CARF: variants seen among roughly 807,000 people sequenced by gnomAD.
The protein encoded by CARF is calcium responsive transcription factor, also known as calcium-responsive transcription factor.
Under a neutral mutation model 82.0 loss-of-function variants are expected in CARF, and 57 were observed. The observed-to-expected ratio is 0.70, with a 90% CI of 0.56 to 0.87. The LOEUF (loss-of-function observed/expected upper bound fraction) is 0.87, where lower values mean the gene tolerates loss of function less well. Among genes scored for constraint, CARF ranks in the 40% least tolerant of loss-of-function variants. CARF has a pLI of 0.00. For missense variants in CARF, 771 were observed against 855.8 expected (o/e 0.90, Z 1.24); for synonymous variants, 268 against 290.1 (o/e 0.92, Z 0.77).
At chr2:202,956,926 C>A (rs2059073803) in intron 8 of CARF, among the ~76,000 whole-genome samples, 1 of 152,078 alleles carries the variant, frequency 6.6e-6, no homozygotes, top group Admixed American at 6.6e-5. Context: ...GTAGCTGAGA[C>A]TACTTGCGCG....
chr2:202,958,177 A>G (rs975406956), intron 8 of CARF, among the ~76,000 whole-genome samples: 3 of 151,738 alleles, frequency 2.0e-5, no homozygotes, highest in Non-Finnish European at 1.5e-5. Context: ...ACCTTGTGCT[A>G]TATATATTAC....
At chr2:202,932,865 T>C (rs1250852500) in intron 3 of CARF, among the ~76,000 whole-genome samples, 4 of 151,952 alleles carry the variant, frequency 2.6e-5, no homozygotes, top group African/African-American at 4.8e-5. Flanking sequence ...GCTCAACCAC[T>C]GCTGTGTTTC....
intron 3 of CARF, among the ~76,000 whole-genome samples, chr2:202,939,602 A>G (rs970092717): frequency 6.6e-6 from 1 of 151,510 alleles, no homozygotes; most frequent in African/African-American, 2.4e-5. Context: ...TACAGTCTAG[A>G]TAATTTAAAA....
At chr2:202,958,529 A>T (rs13385461) in intron 8 of CARF, among the ~76,000 whole-genome samples, 1 of 152,124 alleles carries the variant, frequency 6.6e-6, no homozygotes, top group Non-Finnish European at 1.5e-5. Context: ...CTCCTGTCCA[A>T]CAGACTTGAG....
intron 15 of CARF, among the ~76,000 whole-genome samples, 193 bp downstream of exon 15, chr2:202,981,878 A>C (rs919699012): frequency 2.0e-5 from 3 of 152,132 alleles, no homozygotes; most frequent in Admixed American, 1.3e-4. Context: ...TAAAAGTTTA[A>C]AGTTGACTAT....
intron 7 of CARF, 117 bp downstream of exon 7, chr2:202,954,251 A>G (rs2058919502): frequency 8.5e-7 from 1 of 1,173,020 alleles, no homozygotes; most frequent in Non-Finnish European, 1.2e-6. Context: ...AGGAACTATC[A>G]TTGAATATAT....
Position 202,987,557 on chromosome 2 carries a change from A to G in CARF, c.*3933A>G, listed in dbSNP as rs929248592. Among the ~76,000 whole-genome samples the G allele has an allele frequency of 2.0e-5, 3 of 152,190 alleles. No homozygotes were observed. Among genetic ancestry groups the G allele is most frequent in the African/African-American group, 7.2e-5 (3 of 41,464 alleles). On this transcript the variant is annotated 3_prime_UTR_variant, in exon 17 of 17. Coordinates refer to ENST00000438828, the MANE Select transcript of CARF (RefSeq NM_024744.17). ...TTAGTCATAAGGACAAAGCCTTAGTATATTTTTGCCACATACATGTTATGT... is the reference window on the plus strand; with the variant it reads ...TTAGTCATAAGGACAAAGCCTTAGTGTATTTTTGCCACATACATGTTATGT...
intron 3 of CARF, among the ~76,000 whole-genome samples, chr2:202,927,732 T>C (rs897254446): frequency 1.3e-5 from 2 of 152,086 alleles, no homozygotes; most frequent in Admixed American, 6.5e-5. Flanking sequence ...AAATATACGA[T>C]ATATTGTTAA....
chr2:202,925,057 T>A, intron 3 of CARF: 1 of 417,638 alleles, frequency 2.4e-6, no homozygotes, highest in Non-Finnish European at 4.7e-6. Context: ...GGACAGCATG[T>A]TTGAGAGCTA....
At chr2:202,958,357 T>C (rs910529545) in intron 8 of CARF, among the ~76,000 whole-genome samples, 2 of 151,970 alleles carry the variant, frequency 1.3e-5, no homozygotes, top group African/African-American at 4.8e-5. Context: ...GTTGTGATTG[T>C]TTGATGAGGG....
chr2:202,967,163 A>G, intron 10 of CARF, 65 bp downstream of exon 10: 2 of 1,542,562 alleles, frequency 1.3e-6, no homozygotes, highest in South Asian at 1.2e-5. Flanking sequence ...TAATACACAT[A>G]TTTTTATTAG....
At chr2:202,915,019 T>C (rs1221573497) in intron 1 of CARF, among the ~76,000 whole-genome samples, 2 of 151,900 alleles carry the variant, frequency 1.3e-5, no homozygotes, top group Admixed American at 1.3e-4. Flanking sequence ...GTTGTTTTGT[T>C]TTTGGTTTTT....
At chr2:202,929,844 C>T (rs903951082) in intron 3 of CARF, among the ~76,000 whole-genome samples, 6 of 151,626 alleles carry the variant, frequency 4.0e-5, no homozygotes, top group Non-Finnish European at 7.4e-5. Context: ...CCTCCTGCCT[C>T]AGCCTTCTGA....
At chr2:202,919,796 CAT>C (rs1005023469) in intron 2 of CARF, among the ~76,000 whole-genome samples, 3 of 152,074 alleles carry the variant, frequency 2.0e-5, no homozygotes, top group Non-Finnish European at 4.4e-5. Context: ...GAAATAAACA[CAT>C]GTAGGTTTGA....
chr2:202,951,616 T>C (rs1369567368), intron 5 of CARF, among the ~76,000 whole-genome samples: 1 of 152,106 alleles, frequency 6.6e-6, no homozygotes, highest in Non-Finnish European at 1.5e-5. Flanking sequence ...CCAAAAGTTT[T>C]TCTTCAACTT....
At chr2:202,961,123 T>G in intron 8 of CARF, 114 bp from the exon 9 acceptor site, 6 of 811,326 alleles carry the variant, frequency 7.4e-6, no homozygotes, top group Admixed American at 2.9e-5. Flanking sequence ...AGGGCACAAA[T>G]GACATTCTCT....
chr2:202,948,391 A>G (rs1041074745), intron 5 of CARF, among the ~76,000 whole-genome samples: 2 of 152,144 alleles, frequency 1.3e-5, no homozygotes, highest in Admixed American at 6.6e-5. Context: ...TCTGTGAAGA[A>G]TGCCATTGGC....
chr2:202,972,601 C>T (rs200851489), intron 12 of CARF, among the ~76,000 whole-genome samples: 5 of 146,358 alleles, frequency 3.4e-5, no homozygotes, highest in African/African-American at 7.5e-5. Flanking sequence ...TGCTTGAACC[C>T]GAGAGGTGGA....
intron 14 of CARF, among the ~76,000 whole-genome samples, chr2:202,978,696 T>G (rs966810089): frequency 1.3e-5 from 2 of 152,204 alleles, no homozygotes; most frequent in Non-Finnish European, 2.9e-5. Flanking sequence ...CAGCTTCCCA[T>G]GTATTGGTGC....
Sources: allele counts gnomAD v4.1 joint callset (sites outside exome capture counted in the v4.1 genomes callset), GRCh38; gene constraint gnomAD v4.1.1; transcripts MANE v1.5; gene names NCBI Gene and HGNC (gene_info 2026-07-23, HGNC 2026-07-21).